Variants in NSUN6 observed in about 807,000 individuals in gnomAD.
The protein encoded by NSUN6 is NOP2/Sun RNA methyltransferase 6.
A neutral mutation model predicts 58.0 loss-of-function variants in NSUN6; 64 were observed. The ratio of observed to expected loss-of-function variants is 1.10; its 90% confidence interval spans 0.90 to 1.36. NSUN6 has a LOEUF of 1.36. Among genes scored for constraint, NSUN6 ranks in the 40% most tolerant of loss-of-function variants. The pLI, the probability that NSUN6 is intolerant of heterozygous loss-of-function variation, is 0.00. For missense variants in NSUN6, 701 were observed against 550.1 expected (o/e 1.27, Z -2.74); for synonymous variants, 231 against 193.9 (o/e 1.19, Z -1.59).
chr10:18,652,438 TAC>T (rs1197642412), upstream of NSUN6: 4 of 984,734 alleles, frequency 4.1e-6, no homozygotes, highest in Non-Finnish European at 4.8e-6. Context: ...CACCGAATTA[TAC>T]ACACAGACAC....
rs556978936 is a variant in NSUN6, at chr10:18,644,709, G to A, written c.232-2154C>T. 2.8e-3 allele frequency among the ~76,000 whole-genome samples: 426 copies of A among 151,664 alleles called. 4 individuals are homozygous for A. Among genetic ancestry groups the A allele is most frequent in the South Asian group, 0.016 (77 of 4,802 alleles). On this transcript the variant is annotated intron_variant, in intron 2 of 10. Transcript: ENST00000377304. ...AAAAAAATTAGCCGGGTGTGGTGGCGGGCGCCTGTAGTCCCAGCTACTCGG... is the reference window on the plus strand; with the variant it reads ...AAAAAAATTAGCCGGGTGTGGTGGCAGGCGCCTGTAGTCCCAGCTACTCGG...
At chr10:18,607,715 T>A (rs1410953177) in intron 6 of NSUN6, among the ~76,000 whole-genome samples, 1 of 152,220 alleles carries the variant, frequency 6.6e-6, no homozygotes, top group African/African-American at 2.4e-5. Flanking sequence ...TTCCAAGGGT[T>A]ACATCTGGAG....
intron 6 of NSUN6, among the ~76,000 whole-genome samples, chr10:18,600,531 A>G (rs2057763570): frequency 6.6e-6 from 1 of 152,150 alleles, no homozygotes; most frequent in African/African-American, 2.4e-5. Context: ...AGGCTGAGGC[A>G]GGAAGATCAC....
At chr10:18,640,711 C>T (rs933545956) in intron 3 of NSUN6, among the ~76,000 whole-genome samples, 1 of 152,094 alleles carries the variant, frequency 6.6e-6, no homozygotes, top group Non-Finnish European at 1.5e-5. Context: ...CAAAACCCAA[C>T]AAACTAAACA....
intron 5 of NSUN6, among the ~76,000 whole-genome samples, chr10:18,613,135 T>C (rs187656881): frequency 3.3e-5 from 5 of 152,140 alleles, no homozygotes; most frequent in Non-Finnish European, 7.4e-5. Flanking sequence ...GAAGTCTCAC[T>C]GTGTCACCCA....
rs367692015 is a variant in NSUN6, at chr10:18,585,943, G to C, written c.922+6C>G. On this transcript the variant is annotated splice_donor_region_variant and intron_variant, in intron 8 of 10. Coordinates refer to ENST00000377304, the MANE Select transcript of NSUN6 (RefSeq NM_182543.5). ...AATTAAAAATAAGAAAATCAAAATAGCTCACCTTCTGTGTCCTCCACCATA... is the reference window on the plus strand; with the variant it reads ...AATTAAAAATAAGAAAATCAAAATACCTCACCTTCTGTGTCCTCCACCATA... 1.9e-6 allele frequency: 3 copies of C among 1,580,640 alleles called. No individual in the cohort carries two copies. The highest frequency in any genetic ancestry group is 2.6e-6 in the Non-Finnish European group (3 of 1,168,188).
chr10:18,590,570 T>C (rs917721731), intron 7 of NSUN6, among the ~76,000 whole-genome samples: 22 of 152,284 alleles, frequency 1.4e-4, no homozygotes, highest in Admixed American at 7.8e-4. Context: ...CAGACCACAG[T>C]GCAATCAAAT....
At chr10:18,558,727 T>C (rs1428930912) in intron 8 of NSUN6, among the ~76,000 whole-genome samples, 1 of 141,254 alleles carries the variant, frequency 7.1e-6, no homozygotes, top group African/African-American at 2.6e-5. Context: ...TGGAATGAAA[T>C]GGAATGGAGG....
At chr10:18,621,389 C>G (rs1590096484) in intron 3 of NSUN6, among the ~76,000 whole-genome samples, 1 of 152,270 alleles carries the variant, frequency 6.6e-6, no homozygotes, top group East Asian at 1.9e-4. Context: ...TGCTGAATTC[C>G]CTAATTCCTC....
At chr10:18,578,768 G>A (rs933035914) in intron 8 of NSUN6, among the ~76,000 whole-genome samples, 1 of 152,128 alleles carries the variant, frequency 6.6e-6, no homozygotes, top group South Asian at 2.1e-4. Flanking sequence ...AAGCCCACAA[G>A]CTACCTGTTT....
chr10:18,578,324 C>T (rs1009862963), intron 8 of NSUN6, among the ~76,000 whole-genome samples: 1 of 151,612 alleles, frequency 6.6e-6, no homozygotes, highest in Non-Finnish European at 1.5e-5. Flanking sequence ...ACCCCCGCCT[C>T]CTGGGTTCAA....
chr10:18,624,702 G>A (rs1161544384), intron 3 of NSUN6, among the ~76,000 whole-genome samples: 4 of 145,278 alleles, frequency 2.8e-5, no homozygotes, highest in Non-Finnish European at 6.0e-5. Flanking sequence ...GAATGGAGTT[G>A]AAGAATATGT....
intron 6 of NSUN6, among the ~76,000 whole-genome samples, chr10:18,599,865 A>G (rs537032836): frequency 1.3e-5 from 2 of 152,280 alleles, no homozygotes; most frequent in South Asian, 2.1e-4. Flanking sequence ...TTAACTGTCA[A>G]CCCTTTATTA....
At chr10:18,575,273 T>C (rs1021955095) in intron 8 of NSUN6, among the ~76,000 whole-genome samples, 1 of 152,140 alleles carries the variant, frequency 6.6e-6, no homozygotes, top group African/African-American at 2.4e-5. Context: ...TAAGAAACTA[T>C]AAAAAGATTA....
At chr10:18,613,250 C>T (rs1220003279) in intron 5 of NSUN6, among the ~76,000 whole-genome samples, 3 of 152,118 alleles carry the variant, frequency 2.0e-5, no homozygotes, top group Non-Finnish European at 4.4e-5. Flanking sequence ...GCACCTACCA[C>T]CACACCTAGC....
At chr10:18,606,579 T>G (rs1402295896) in intron 6 of NSUN6, among the ~76,000 whole-genome samples, 1 of 152,182 alleles carries the variant, frequency 6.6e-6, no homozygotes, top group Non-Finnish European at 1.5e-5. Flanking sequence ...AACACACCAG[T>G]GTTGGTTTCT....
At chr10:18,590,545 TAACA>T (rs757053953) in intron 7 of NSUN6, among the ~76,000 whole-genome samples, 54 of 152,250 alleles carry the variant, frequency 3.5e-4, no homozygotes, top group African/African-American at 4.6e-4. Context: ...ATGGAAATCA[TAACA>T]AACAGTCTCT....
At chr10:18,615,106 CATAT>C (rs5783616) in intron 4 of NSUN6, among the ~76,000 whole-genome samples, 62 of 146,992 alleles carry the variant, frequency 4.2e-4, no homozygotes, top group South Asian at 2.2e-3. Flanking sequence ...TATAGTCATT[CATAT>C]ATATATATAT....
In NSUN6 at chr10:18,596,207, C is replaced by T; in HGVS notation, c.777+1G>A. The T allele has an allele frequency of 2.5e-6, 4 of 1,610,694 alleles. No homozygotes were observed. Among genetic ancestry groups the T allele is most frequent in the African/African-American group, 2.7e-5 (2 of 74,954 alleles). ...TGGATTTGCTGTGAAGACAGTCTCACCTGATCATGCATTAGTGCTGCAATG... is the reference window on the plus strand; with the variant it reads ...TGGATTTGCTGTGAAGACAGTCTCATCTGATCATGCATTAGTGCTGCAATG... On this transcript the variant is annotated splice_donor_variant, in intron 7 of 10. Coordinates refer to ENST00000377304, the MANE Select transcript of NSUN6 (RefSeq NM_182543.5). LOFTEE classifies it high-confidence loss of function.
Sources: gnomAD v4.1 joint callset for allele counts (sites outside exome capture counted in the v4.1 genomes callset) on GRCh38, gnomAD v4.1.1 for gene constraint, MANE v1.5 for transcripts, NCBI Gene and HGNC (gene_info 2026-07-23, HGNC 2026-07-21) for gene names.